ANKS1B: variants seen among roughly 807,000 people sequenced by gnomAD.
ANKS1B encodes ankyrin repeat and sterile alpha motif domain containing 1B, also known as ankyrin repeat and sterile alpha motif domain-containing protein 1B.
In ANKS1B, 36 loss-of-function variants were observed where a neutral mutation model predicts 148.3. The ratio of observed to expected loss-of-function variants is 0.24; its 90% confidence interval spans 0.19 to 0.32. ANKS1B has a LOEUF of 0.32. Among genes scored for constraint, ANKS1B ranks in the 10% least tolerant of loss-of-function variants. ANKS1B has a pLI of 1.00. For synonymous variants in ANKS1B, 542 were observed against 560.8 expected, an observed-to-expected ratio of 0.97 and a Z score of 0.47; for missense variants, 1,157 against 1,542.6, an observed-to-expected ratio of 0.75 and a Z score of 4.19.
chr12:99,802,027 A>G (rs1042173235), intron 4 of ANKS1B, among the ~76,000 whole-genome samples: 1 of 152,190 alleles, frequency 6.6e-6, no homozygotes, highest in Non-Finnish European at 1.5e-5. Flanking sequence ...ATTATCATCT[A>G]GGGAAATCAG....
chr12:99,696,127 A>T (rs1011109079), intron 8 of ANKS1B, among the ~76,000 whole-genome samples: 1 of 152,132 alleles, frequency 6.6e-6, no homozygotes, highest in Admixed American at 6.5e-5. Flanking sequence ...AAAAAGAGAA[A>T]TTTTTTTTAA....
At chr12:99,528,836 T>C (rs2096958076) in intron 9 of ANKS1B, among the ~76,000 whole-genome samples, 1 of 152,202 alleles carries the variant, frequency 6.6e-6, no homozygotes, top group Non-Finnish European at 1.5e-5. Flanking sequence ...TCAAATTATA[T>C]ATTCCTGGAA....
chr12:99,185,246 C>A (rs2079662477), intron 14 of ANKS1B, among the ~76,000 whole-genome samples: 2 of 152,092 alleles, frequency 1.3e-5, no homozygotes, highest in South Asian at 4.1e-4. Flanking sequence ...AAGCAGAGCT[C>A]AAAAATTATG....
chr12:98,763,853 G>A (rs905337078), intron 25 of ANKS1B, among the ~76,000 whole-genome samples: 14 of 152,212 alleles, frequency 9.2e-5, no homozygotes, highest in Admixed American at 2.0e-4. Context: ...GGGGGTGAGC[G>A]TTCCACTGTA....
chr12:99,173,552 A>T (rs554333877), intron 14 of ANKS1B, among the ~76,000 whole-genome samples: 81 of 152,312 alleles, frequency 5.3e-4, no homozygotes, highest in African/African-American at 1.9e-3. Context: ...TAAACCAAAA[A>T]CAAAGAATAG....
chr12:98,922,647 C>T (rs1353309590), intron 17 of ANKS1B, among the ~76,000 whole-genome samples: 1 of 151,978 alleles, frequency 6.6e-6, no homozygotes, highest in East Asian at 1.9e-4. Context: ...TATAGGCATG[C>T]ACCACCACGC....
chr12:99,392,386 G>A (rs189941424), intron 12 of ANKS1B, among the ~76,000 whole-genome samples: 165 of 152,338 alleles, frequency 1.1e-3, no homozygotes, highest in Non-Finnish European at 1.6e-3. Flanking sequence ...GCAGAAAAGC[G>A]TCCTATGCTG....
At chr12:98,891,888 G>A (rs188861999) in intron 17 of ANKS1B, among the ~76,000 whole-genome samples, 3 of 152,248 alleles carry the variant, frequency 2.0e-5, no homozygotes, top group Non-Finnish European at 2.9e-5. Flanking sequence ...TTAATTACTG[G>A]TGGTCCATGG....
chr12:99,030,060 A>T (rs1410070659), intron 17 of ANKS1B, among the ~76,000 whole-genome samples: 2 of 152,240 alleles, frequency 1.3e-5, no homozygotes, highest in African/African-American at 2.4e-5. Context: ...CCCAGTCCTG[A>T]CACTGGCTTC....
chr12:99,286,427 C>G (rs1226640762), intron 12 of ANKS1B, among the ~76,000 whole-genome samples: 2 of 152,044 alleles, frequency 1.3e-5, no homozygotes, highest in Non-Finnish European at 2.9e-5. Flanking sequence ...TGTCATAGGC[C>G]TTGGGTAAGA....
chr12:99,950,550 T>C (rs982304744), intron 1 of ANKS1B, among the ~76,000 whole-genome samples: 1 of 152,220 alleles, frequency 6.6e-6, no homozygotes, highest in Non-Finnish European at 1.5e-5. Flanking sequence ...ATTATGTTTA[T>C]GTTTCCATGC....
chr12:99,207,391 ATCAG>A (rs1298247759), intron 14 of ANKS1B, among the ~76,000 whole-genome samples: 1 of 42,684 alleles, frequency 2.3e-5, no homozygotes, highest in Non-Finnish European at 3.7e-5. Flanking sequence ...TTTATGAAAT[ATCAG>A]TCATTCTTAA....
chr12:98,933,705 A>G (rs1488291038), intron 17 of ANKS1B, among the ~76,000 whole-genome samples: 1 of 151,982 alleles, frequency 6.6e-6, no homozygotes, highest in East Asian at 1.9e-4. Context: ...GTGTGAGGTG[A>G]GCTCTCATAG....
chr12:99,680,478 G>C (rs979777762), intron 8 of ANKS1B, among the ~76,000 whole-genome samples: 1 of 151,944 alleles, frequency 6.6e-6, no homozygotes, highest in African/African-American at 2.4e-5. Flanking sequence ...GAGCCCTGTA[G>C]GCAGTCTCAG....
At chr12:99,583,164 TAC>T (rs1597505884) in intron 9 of ANKS1B, among the ~76,000 whole-genome samples, 1 of 152,316 alleles carries the variant, frequency 6.6e-6, no homozygotes, top group East Asian at 1.9e-4. Context: ...GCACATACAG[TAC>T]ACTCTATTGC....
chr12:99,781,917 C>A, intron 5 of ANKS1B, 105 bp downstream of exon 5: 1 of 953,572 alleles, frequency 1.0e-6, no homozygotes, highest in Non-Finnish European at 1.6e-6. Context: ...AGAGTAAAGG[C>A]AAGAGGGTGA....
At chr12:99,042,065 AAAC>A (rs1161900200) in intron 17 of ANKS1B, among the ~76,000 whole-genome samples, 4 of 152,012 alleles carry the variant, frequency 2.6e-5, no homozygotes, top group African/African-American at 7.2e-5. Context: ...CACCAAAATA[AAAC>A]AACCCCCCCA....
At chr12:98,774,122 T>C (rs2098640740) in intron 24 of ANKS1B, among the ~76,000 whole-genome samples, 1 of 152,218 alleles carries the variant, frequency 6.6e-6, no homozygotes. Flanking sequence ...TGTGGCTATA[T>C]TAACAACACT....
chr12:99,486,455 CTTATTTATTTATTTAT>C (rs145790526), intron 10 of ANKS1B, among the ~76,000 whole-genome samples: 11 of 146,934 alleles, frequency 7.5e-5, no homozygotes, highest in Admixed American at 2.0e-4. Context: ...ATGGCATGTG[CTTATTTATTTATTTAT>C]TTATTTATTT....
Sources: gnomAD v4.1 joint callset for allele counts (sites outside exome capture counted in the v4.1 genomes callset) on GRCh38, gnomAD v4.1.1 for gene constraint, MANE v1.5 for transcripts, NCBI Gene and HGNC (gene_info 2026-07-23, HGNC 2026-07-21) for gene names.